Variants in TASP1 observed in about 807,000 individuals in gnomAD.
TASP1 encodes the protein taspase 1.
TASP1 carries 16 observed loss-of-function variants against 56.6 expected under a neutral mutation model. That is an observed-to-expected ratio of 0.28 (90% CI 0.19 to 0.43). TASP1 has a LOEUF of 0.43. TASP1 is among the 20% of genes least tolerant of loss of function. The probability of loss-of-function intolerance (pLI) is 1.00; values close to 1 mark genes in which losing one functional copy is unlikely to be tolerated. For missense variants in TASP1, 393 were observed against 511.6 expected (o/e 0.77, Z 2.24); for synonymous variants, 179 against 184.2 (o/e 0.97, Z 0.23).
intron 10 of TASP1, among the ~76,000 whole-genome samples, chr20:13,498,571 C>T (rs910827704): frequency 6.6e-6 from 1 of 151,978 alleles, no homozygotes; most frequent in Non-Finnish European, 1.5e-5. Flanking sequence ...GTTGGCCAAG[C>T]TGGTCTTGAA....
rs193145210 is a variant in TASP1, at chr20:13,609,126, A to C, written c.282+14320T>G. On this transcript the variant is annotated intron_variant, in intron 4 of 13. Transcript: ENST00000337743. ...AAATCAATTTGAAAATGGGCAAAAA[A>C]CTTGAACAGACTCAAATAAACATTT... is the stretch of plus-strand genomic sequence containing the variant. Among the ~76,000 whole-genome samples, 4 of 152,296 alleles carry C rather than the reference A, an allele frequency of 2.6e-5. No individual in the cohort carries two copies. In the East Asian group the frequency reaches 7.7e-4, roughly 29 times the overall value.
At chr20:13,394,489 G>A (rs558866404) in intron 13 of TASP1, among the ~76,000 whole-genome samples, 1 of 152,120 alleles carries the variant, frequency 6.6e-6, no homozygotes, top group South Asian at 2.1e-4. Flanking sequence ...GCAGGCACCT[G>A]TAGTCCCAGC....
At chr20:13,313,442 A>G in the TASP1 span, among the ~76,000 whole-genome samples, 1 of 152,232 alleles carries the variant, frequency 6.6e-6, no homozygotes, top group Non-Finnish European at 1.5e-5. Context: ...AAATAAGGTA[A>G]ACACGGAGCC....
chr20:13,374,900 C>A, the TASP1 span, among the ~76,000 whole-genome samples: 29 of 152,128 alleles, frequency 1.9e-4, no homozygotes, highest in Non-Finnish European at 3.8e-4. Flanking sequence ...TAGCAGTTTT[C>A]TTTGATTGTC....
At chr20:13,420,691 A>C (rs1299457254) in intron 12 of TASP1, among the ~76,000 whole-genome samples, 1 of 152,222 alleles carries the variant, frequency 6.6e-6, no homozygotes, top group Non-Finnish European at 1.5e-5. Flanking sequence ...AGCAGCTAAC[A>C]CTTAGAATCT....
chr20:13,110,031 T>C, the TASP1 span: 14 of 1,245,658 alleles, frequency 1.1e-5, no homozygotes, highest in Non-Finnish European at 1.6e-5. Context: ...AGTGTGAACA[T>C]AAAACATCTG....
chr20:13,274,678 C>A, the TASP1 span, among the ~76,000 whole-genome samples: 2 of 151,372 alleles, frequency 1.3e-5, no homozygotes, highest in African/African-American at 4.8e-5. Context: ...CCGCCCCCCC[C>A]GCGCCCGGCC....
the TASP1 span, among the ~76,000 whole-genome samples, chr20:13,124,637 G>A: frequency 6.6e-6 from 1 of 152,144 alleles, no homozygotes; most frequent in East Asian, 1.9e-4. Context: ...CACATCCCTT[G>A]GTTCCCCTCA....
chr20:13,478,181 C>G lies in TASP1; in HGVS notation c.985+5046G>C, dbSNP rs114936546. Among the ~76,000 whole-genome samples the G allele has an allele frequency of 4.5e-3, 689 of 152,202 alleles. 3 individuals are homozygous for G. Among genetic ancestry groups the G allele is most frequent in the African/African-American group, 0.015 (617 of 41,536 alleles). ...CCTAGTTATAATGATTTAAAATTCA[C>G]AGTCTGGAACCGCAATTATTTTTGC... On this transcript the variant is annotated intron_variant, in intron 11 of 13. Transcript: ENST00000337743.
the TASP1 span, among the ~76,000 whole-genome samples, chr20:13,150,033 A>G: frequency 6.6e-6 from 1 of 152,208 alleles, no homozygotes; most frequent in Non-Finnish European, 1.5e-5. Flanking sequence ...AAAGTGCTGA[A>G]TGCACACGGG....
chr20:13,498,329 TTTTGTGTGTGTGTGTG>T (rs1188555860), intron 10 of TASP1, among the ~76,000 whole-genome samples: 6 of 115,940 alleles, frequency 5.2e-5, no homozygotes, highest in African/African-American at 1.3e-4. Flanking sequence ...TTTTCTTTTC[TTTTGTGTGTGTGTGTG>T]TGTGTGTGTG....
chr20:13,566,421 C>A (rs1251799527), intron 7 of TASP1, among the ~76,000 whole-genome samples: 1 of 151,272 alleles, frequency 6.6e-6, no homozygotes, highest in African/African-American at 2.4e-5. Flanking sequence ...AAATTGGAAA[C>A]AACCCAGACA....
At chr20:13,453,313 G>T (rs2043696674) in intron 11 of TASP1, among the ~76,000 whole-genome samples, 1 of 152,080 alleles carries the variant, frequency 6.6e-6, no homozygotes, top group South Asian at 2.1e-4. Flanking sequence ...TGAGGGAATT[G>T]CTATAAAAGA....
At chr20:13,585,289 G>A (rs2047262615) in intron 5 of TASP1, among the ~76,000 whole-genome samples, 1 of 152,104 alleles carries the variant, frequency 6.6e-6, no homozygotes, top group African/African-American at 2.4e-5. Flanking sequence ...TCATAACTTT[G>A]AACAGGCAAA....
At chr20:13,487,474 TC>T (rs2043367553) in intron 10 of TASP1, among the ~76,000 whole-genome samples, 1 of 152,134 alleles carries the variant, frequency 6.6e-6, no homozygotes. Context: ...TCCTGGACAT[TC>T]CCACGGCCCT....
chr20:13,421,389 G>T (rs6079059), intron 12 of TASP1, among the ~76,000 whole-genome samples: 39,662 of 106,306 alleles, frequency 0.37, 6,026 homozygotes, highest in Non-Finnish European at 0.49. Flanking sequence ...TAGAGTGTTT[G>T]TTTTTGCCAT....
At chr20:13,116,549 C>T in the TASP1 span, among the ~76,000 whole-genome samples, 3 of 151,862 alleles carry the variant, frequency 2.0e-5, no homozygotes, top group East Asian at 1.9e-4. Flanking sequence ...CCCTTTGTGC[C>T]GGAGGATGTA....
At chr20:13,625,497 A>T (rs1279230975) in intron 2 of TASP1, among the ~76,000 whole-genome samples, 1 of 152,212 alleles carries the variant, frequency 6.6e-6, no homozygotes, top group Admixed American at 6.5e-5. Context: ...AAGAGGCTTC[A>T]CCAAGGTCCC....
At chr20:13,601,672 T>C (rs919680211) in intron 4 of TASP1, among the ~76,000 whole-genome samples, 13 of 152,176 alleles carry the variant, frequency 8.5e-5, no homozygotes, top group African/African-American at 3.1e-4. Context: ...TTCTGAAGAA[T>C]ACAGTATATG....
Sources: gnomAD v4.1 joint callset for allele counts (sites outside exome capture counted in the v4.1 genomes callset) on GRCh38, gnomAD v4.1.1 for gene constraint, MANE v1.5 for transcripts, NCBI Gene and HGNC (gene_info 2026-07-23, HGNC 2026-07-21) for gene names.